Variants in FAF1 observed in about 807,000 individuals in gnomAD.
FAF1 encodes the protein Fas associated factor 1.
Under a neutral mutation model 92.5 loss-of-function variants are expected in FAF1, and 25 were observed. The observed-to-expected ratio is 0.27, with a 90% CI of 0.20 to 0.38. The LOEUF (loss-of-function observed/expected upper bound fraction) is 0.38, where lower values mean the gene tolerates loss of function less well. FAF1 is among the 10% of genes least tolerant of loss of function. The pLI is 1.00. For synonymous variants in FAF1, 234 were observed against 273.2 expected, an observed-to-expected ratio of 0.86 and a Z score of 1.42; for missense variants, 636 against 793.3, an observed-to-expected ratio of 0.80 and a Z score of 2.38.
intron 1 of FAF1, among the ~76,000 whole-genome samples, chr1:50,868,453 T>C (rs1038439020): frequency 4.6e-5 from 7 of 152,222 alleles, no homozygotes; most frequent in African/African-American, 1.7e-4. Flanking sequence ...TTTCCACTTA[T>C]TTGGCTTAAG....
chr1:50,446,492 C>T (rs1177034111), intron 18 of FAF1, among the ~76,000 whole-genome samples: 1 of 152,144 alleles, frequency 6.6e-6, no homozygotes, highest in East Asian at 1.9e-4. Context: ...CTTAAAAAAT[C>T]CAAAATCCAA....
intron 3 of FAF1, among the ~76,000 whole-genome samples, chr1:50,800,175 T>C (rs947894311): frequency 3.9e-5 from 6 of 152,182 alleles, no homozygotes; most frequent in African/African-American, 1.4e-4. Context: ...ATAAAAAGTA[T>C]AATCTGTGAC....
intron 15 of FAF1, among the ~76,000 whole-genome samples, chr1:50,530,508 G>A (rs377462846): frequency 9.2e-5 from 14 of 151,608 alleles, no homozygotes; most frequent in African/African-American, 3.4e-4. Context: ...GGTGGTGGGG[G>A]GAGGTGGGGA....
At chr1:50,748,491 C>CAAAAAAAAAAAAAGAAAAAAAAAA (rs1659718837) in intron 4 of FAF1, among the ~76,000 whole-genome samples, 1 of 127,676 alleles carries the variant, frequency 7.8e-6, no homozygotes, top group African/African-American at 2.9e-5. Flanking sequence ...AACTCTGTCT[C>CAAAAAAAAAAAAAGAAAAAAAAAA]AAAAAAAAAA....
chr1:50,797,437 A>C (rs1182006570), intron 3 of FAF1, among the ~76,000 whole-genome samples: 1 of 152,096 alleles, frequency 6.6e-6, no homozygotes, highest in African/African-American at 2.4e-5. Context: ...GTAGTGGCTC[A>C]TGCCTGTAAT....
chr1:50,833,463 C>A (rs1015175430), intron 2 of FAF1, among the ~76,000 whole-genome samples: 2 of 152,140 alleles, frequency 1.3e-5, no homozygotes, highest in African/African-American at 2.4e-5. Context: ...AACATCTCAG[C>A]ACCTCACTGC....
intron 9 of FAF1, among the ~76,000 whole-genome samples, chr1:50,587,461 T>C (rs1349001486): frequency 5.3e-5 from 8 of 152,208 alleles, no homozygotes; most frequent in African/African-American, 9.6e-5. Flanking sequence ...TTCATATTTT[T>C]TTATCAGCCA....
intron 17 of FAF1, 97 bp downstream of exon 17, chr1:50,490,470 GAAGGAAGGAAGGAAGGAAGGA>G (rs1646824114): frequency 1.5e-5 from 9 of 582,746 alleles, no homozygotes; most frequent in African/African-American, 4.7e-5. Flanking sequence ...GAAAAAGAAA[GAAGGAAGGAAGGAAGGAAGGA>G]AAGGAAGGAA....
intron 3 of FAF1, among the ~76,000 whole-genome samples, chr1:50,800,730 T>A (rs1386538031): frequency 6.6e-6 from 1 of 152,242 alleles, no homozygotes; most frequent in Non-Finnish European, 1.5e-5. Context: ...CATGGTGAAC[T>A]TCCTGATGTT....
At chr1:50,716,773 C>G (rs1380243735) in intron 6 of FAF1, among the ~76,000 whole-genome samples, 1 of 152,178 alleles carries the variant, frequency 6.6e-6, no homozygotes, top group Non-Finnish European at 1.5e-5. Context: ...AATCGGCACT[C>G]TGTAAAATGG....
intron 2 of FAF1, among the ~76,000 whole-genome samples, chr1:50,820,139 G>A (rs143419644): frequency 3.3e-5 from 5 of 152,088 alleles, no homozygotes; most frequent in African/African-American, 1.2e-4. Flanking sequence ...GGTGGAGAGG[G>A]TAGGGAAGAG....
chr1:50,492,753 C>T (rs1402095966), intron 15 of FAF1, among the ~76,000 whole-genome samples: 1 of 152,144 alleles, frequency 6.6e-6, no homozygotes, highest in Non-Finnish European at 1.5e-5. Flanking sequence ...TATGCTTACT[C>T]AAGGCTGAAT....
intron 17 of FAF1, among the ~76,000 whole-genome samples, chr1:50,476,516 A>C (rs554602792): frequency 6.0e-4 from 91 of 152,304 alleles, no homozygotes; most frequent in African/African-American, 2.1e-3. Context: ...TTAGTATTAC[A>C]TTGTTTCACA....
chr1:50,957,347 CTTTTTT>C (rs1188286312), intron 1 of FAF1, among the ~76,000 whole-genome samples: 3 of 104,244 alleles, frequency 2.9e-5, no homozygotes, highest in Admixed American at 1.1e-4. Context: ...TTTTCATTTT[CTTTTTT>C]TTTTTTTTTT....
intron 1 of FAF1, among the ~76,000 whole-genome samples, chr1:50,889,193 G>T (rs1644697342): frequency 2.0e-5 from 3 of 152,154 alleles, no homozygotes. Flanking sequence ...TTGTATTTCT[G>T]TGGGATCGGT....
chr1:50,458,102 A>T (rs891796849), intron 18 of FAF1, among the ~76,000 whole-genome samples: 7 of 152,024 alleles, frequency 4.6e-5, no homozygotes, highest in Non-Finnish European at 1.0e-4. Context: ...AATCCCAGCT[A>T]CTTGGGAGAC....
At chr1:50,681,749 C>T (rs923600814) in intron 7 of FAF1, among the ~76,000 whole-genome samples, 1 of 151,684 alleles carries the variant, frequency 6.6e-6, no homozygotes, top group African/African-American at 2.4e-5. Flanking sequence ...CAACTCCTGA[C>T]CTCAGGTGAT....
chr1:50,742,450 C>T (rs927089407), intron 5 of FAF1, among the ~76,000 whole-genome samples: 3 of 152,088 alleles, frequency 2.0e-5, no homozygotes, highest in Non-Finnish European at 4.4e-5. Flanking sequence ...GTGGCAAAAT[C>T]TCAGCTCACT....
intron 15 of FAF1, among the ~76,000 whole-genome samples, chr1:50,519,724 T>C (rs1161634687): frequency 6.6e-6 from 1 of 152,182 alleles, no homozygotes; most frequent in African/African-American, 2.4e-5. Context: ...TTATGATGTG[T>C]GTTATTGGCT....
Sources: allele counts gnomAD v4.1 joint callset (sites outside exome capture counted in the v4.1 genomes callset), GRCh38; gene constraint gnomAD v4.1.1; transcripts MANE v1.5; gene names NCBI Gene and HGNC (gene_info 2026-07-23, HGNC 2026-07-21).